Variants in UNC13B observed in about 807,000 individuals in gnomAD.
UNC13B encodes the protein protein unc-13 homolog B.
A neutral mutation model predicts 211.0 loss-of-function variants in UNC13B; 144 were observed. The observed-to-expected ratio is 0.68, with a 90% CI of 0.60 to 0.78. The LOEUF is 0.78. Among genes scored for constraint, UNC13B ranks in the 30% least tolerant of loss-of-function variants. UNC13B has a pLI of 0.00. For missense variants in UNC13B, 1,777 were observed against 2,002.0 expected, an observed-to-expected ratio of 0.89 and a Z score of 2.14; for synonymous variants, 709 against 725.8, an observed-to-expected ratio of 0.98 and a Z score of 0.37.
At position 35,226,714 on chromosome 9, in the gene UNC13B, G is replaced by A. The variant is rs1316568786; in HGVS notation, c.23-1301G>A. On this transcript the variant is annotated intron_variant, in intron 1 of 39. Coordinates refer to ENST00000635942, the MANE Select transcript of UNC13B (RefSeq NM_001371189.2). ...GGACTCAGGTCTGTCTTCTCCTTCC[G>A]CGTTCCTCTGCCTGCTTTTATCCTA... 3.9e-5 allele frequency among the ~76,000 whole-genome samples: 6 copies of A among 152,170 alleles called. 1 individual carries two copies. Among genetic ancestry groups the A allele is most frequent in the African/African-American group, 7.2e-5 (3 of 41,452 alleles).
At chr9:35,359,409 C>T (rs1367712232) in intron 11 of UNC13B, among the ~76,000 whole-genome samples, 2 of 152,128 alleles carry the variant, frequency 1.3e-5, no homozygotes, top group African/African-American at 4.8e-5. Context: ...TCTTTCAATC[C>T]CGAGTTTCAT....
In UNC13B at chr9:35,378,348, T is replaced by TA; in HGVS notation, c.10118dup (p.Tyr3373Ter). ...GGACAAAACAGGATCCAGTGACCCTTACGTGACTGTGCAAGTCAGCAAAAC... is the reference window on the plus strand; with the variant it reads ...GGACAAAACAGGATCCAGTGACCCTTAACGTGACTGTGCAAGTCAGCAAAAC... ...AKDKTGSSDP[Y>*]VTVQVSKTKK... Residue 3373 changes from tyrosine to a stop codon, truncating the protein, a stop_gained and frameshift_variant, in exon 17 of 40, where the codon TAC becomes TAAC. Transcript: ENST00000635942. LOFTEE classifies it high-confidence loss of function. The TA allele has an allele frequency of 6.2e-7, 1 of 1,614,160 alleles. No homozygotes were observed.
chr9:35,272,238 G>GT (rs1239331528), intron 7 of UNC13B, among the ~76,000 whole-genome samples: 65 of 134,622 alleles, frequency 4.8e-4, no homozygotes, highest in East Asian at 2.2e-3. Context: ...GTTTCATTTT[G>GT]TTTTTTTTGT....
chr9:35,197,678 G>A (rs932463454), intron 1 of UNC13B, among the ~76,000 whole-genome samples: 19 of 152,164 alleles, frequency 1.2e-4, no homozygotes, highest in South Asian at 4.1e-4. Flanking sequence ...GGCCATGGGG[G>A]CGGACTTCCC....
chr9:35,313,039 G>A (rs1382728415), intron 10 of UNC13B, among the ~76,000 whole-genome samples: 1 of 151,876 alleles, frequency 6.6e-6, no homozygotes, highest in Non-Finnish European at 1.5e-5. Context: ...CTATGCAAAA[G>A]CCCCAAGGGA....
rs141599056 is a variant in UNC13B at position 35,230,675 on chromosome 9, G to C, written c.53-445G>C. On this transcript the variant is annotated intron_variant, in intron 2 of 39. Coordinates refer to ENST00000635942, the MANE Select transcript of UNC13B (RefSeq NM_001371189.2). ...TCTTTCTACATTTTATTAAATTTAC[G>C]TACCTTATCTTTCCTAGTAGGTCAA... 2.5e-3 allele frequency among the ~76,000 whole-genome samples: 372 copies of C among 150,916 alleles called. 1 individual carries two copies. Among genetic ancestry groups the C allele is most frequent in the Non-Finnish European group, 4.5e-3 (302 of 67,790 alleles).
At position 35,295,885 on chromosome 9, in the gene UNC13B, CTA is replaced by C; in HGVS notation, c.718_719del (p.Met240AlafsTer4). 1 of 1,613,972 alleles carries C rather than the reference CTA, an allele frequency of 6.2e-7. No individual in the cohort carries two copies. Among genetic ancestry groups the C allele is most frequent in the Non-Finnish European group, 8.5e-7 (1 of 1,179,948 alleles). ...AGTTCCCGGGACTCTTGTAATGACT[CTA>C]TGCAAAGTTATGACCTTGATTATCC... On this transcript the variant is annotated frameshift_variant, in exon 8 of 40. Coordinates refer to ENST00000635942, the MANE Select transcript of UNC13B (RefSeq NM_001371189.2). LOFTEE classifies it high-confidence loss of function.
intron 5 of UNC13B, among the ~76,000 whole-genome samples, chr9:35,239,048 C>T (rs903342279): frequency 6.6e-6 from 1 of 151,886 alleles, no homozygotes; most frequent in African/African-American, 2.4e-5. Flanking sequence ...ATGGAATCTA[C>T]TAAGTTCCTT....
intron 6 of UNC13B, among the ~76,000 whole-genome samples, chr9:35,253,583 G>C (rs920933406): frequency 3.3e-5 from 5 of 152,056 alleles, no homozygotes; most frequent in Admixed American, 3.3e-4. Context: ...ATACAATATA[G>C]AGTCTAACTT....
chr9:35,210,810 C>G (rs1823925293), intron 1 of UNC13B, among the ~76,000 whole-genome samples: 1 of 152,198 alleles, frequency 6.6e-6, no homozygotes, highest in Admixed American at 6.5e-5. Context: ...AGGTGTGAGC[C>G]ACTGCATCTG....
At position 35,291,033 on chromosome 9, in the gene UNC13B, C is replaced by G. The variant is rs954197204; in HGVS notation, c.527-4663C>G. 8.4e-6 allele frequency: 13 copies of G among 1,548,934 alleles called. No individual in the cohort carries two copies. The African/African-American group carries it at 1.6e-4, about 20-fold the overall frequency. On this transcript the variant is annotated intron_variant, in intron 7 of 39. Coordinates refer to ENST00000635942, the MANE Select transcript of UNC13B (RefSeq NM_001371189.2). ...TTGAATTCCTTCAAAAAAGTATTTT[C>G]AAAAATTATCTGCTGCTTCTTTGTG...
At chr9:35,225,855 A>G (rs1824807736) in intron 1 of UNC13B, among the ~76,000 whole-genome samples, 1 of 152,102 alleles carries the variant, frequency 6.6e-6, no homozygotes, top group African/African-American at 2.4e-5. Flanking sequence ...GTGGCTGACC[A>G]AGTGGGTGGG....
At chr9:35,181,584 A>G (rs1400707810) in intron 1 of UNC13B, among the ~76,000 whole-genome samples, 1 of 152,142 alleles carries the variant, frequency 6.6e-6, no homozygotes, top group African/African-American at 2.4e-5. Context: ...TGCCTGTAAT[A>G]CCGGCACTTT....
intron 7 of UNC13B, among the ~76,000 whole-genome samples, chr9:35,292,641 A>G (rs1239112269): frequency 6.6e-6 from 1 of 152,240 alleles, no homozygotes; most frequent in African/African-American, 2.4e-5. Flanking sequence ...TTGTGTCTAT[A>G]TATTCTGTCT....
intron 5 of UNC13B, among the ~76,000 whole-genome samples, chr9:35,240,915 C>T (rs972809334): frequency 2.0e-5 from 3 of 151,832 alleles, no homozygotes; most frequent in Admixed American, 6.6e-5. Flanking sequence ...ATTAGCTGGG[C>T]AAGGTGTCGT....
intron 5 of UNC13B, among the ~76,000 whole-genome samples, chr9:35,239,560 A>T (rs1825695197): frequency 6.6e-6 from 1 of 152,210 alleles, no homozygotes; most frequent in Non-Finnish European, 1.5e-5. Flanking sequence ...TTTTATCAGG[A>T]GACAGGCTTT....
intron 7 of UNC13B, among the ~76,000 whole-genome samples, chr9:35,270,411 CAT>C (rs1426121256): frequency 4.0e-5 from 6 of 151,790 alleles, no homozygotes; most frequent in African/African-American, 7.3e-5. Context: ...TATATACACA[CAT>C]GTGTATATAC....
chr9:35,351,812 T>C, intron 11 of UNC13B: 1 of 1,232,216 alleles, frequency 8.1e-7, no homozygotes, highest in South Asian at 4.1e-5. Context: ...TGTTTCAGGG[T>C]CTGGTTCTCA....
intron 1 of UNC13B, among the ~76,000 whole-genome samples, chr9:35,181,579 G>C (rs1434438949): frequency 6.6e-6 from 1 of 152,192 alleles, no homozygotes; most frequent in Non-Finnish European, 1.5e-5. Context: ...GCTCATGCCT[G>C]TAATACCGGC....
Sources: gnomAD v4.1 joint callset for allele counts (sites outside exome capture counted in the v4.1 genomes callset) on GRCh38, gnomAD v4.1.1 for gene constraint, MANE v1.5 for transcripts, NCBI Gene and HGNC (gene_info 2026-07-23, HGNC 2026-07-21) for gene names.